The following THSD4 variants were observed in gnomAD, a reference collection of about 807,000 sequenced individuals.
THSD4 encodes thrombospondin type-1 domain-containing protein 4.
Under a neutral mutation model 119.0 loss-of-function variants are expected in THSD4, and 69 were observed. That is an observed-to-expected ratio of 0.58 (90% CI 0.48 to 0.71). The LOEUF (loss-of-function observed/expected upper bound fraction) is 0.71. THSD4 is among the 30% of genes least tolerant of loss of function. The probability of loss-of-function intolerance (pLI) is 0.00; values close to 1 mark genes in which losing one functional copy is unlikely to be tolerated. For synonymous variants in THSD4, 524 were observed against 540.4 expected (o/e 0.97, Z 0.42); for missense variants, 1,393 against 1,391.1 (o/e 1.00, Z -0.02).
At chr15:71,641,496 TTTAAA>T (rs1309576129) in intron 7 of THSD4, among the ~76,000 whole-genome samples, 3 of 152,090 alleles carry the variant, frequency 2.0e-5, no homozygotes, top group Non-Finnish European at 2.9e-5. Context: ...CTTTTTGTGC[TTTAAA>T]TTATTTTTTC....
At chr15:71,745,258 G>A (rs1354202134) in intron 12 of THSD4, 23 bp downstream of exon 12, 1 of 1,613,158 alleles carries the variant, frequency 6.2e-7, no homozygotes. Context: ...CTCCATTTAG[G>A]TCGCCTATTA....
chr15:71,626,529 T>C (rs1017732076), intron 7 of THSD4, among the ~76,000 whole-genome samples: 2 of 152,212 alleles, frequency 1.3e-5, no homozygotes, highest in Non-Finnish European at 2.9e-5. Context: ...TTACACTAAA[T>C]ATGCATTGAA....
rs144736427 is a variant in THSD4, at chr15:71,724,266, G to GATATATATATATATAT, written c.1358-4276_1358-4261dup. On this transcript the variant is annotated intron_variant, in intron 8 of 17. Coordinates refer to ENST00000261862, the MANE Select transcript of THSD4 (RefSeq NM_024817.3). Reference sequence around the variant, plus strand: ...CTGGGGGAGGAGGCCTCTATGATGGGATATATATATATATATATATATTTT... The same window carrying GATATATATATATATAT: ...CTGGGGGAGGAGGCCTCTATGATGGGATATATATATATATATATATATATATATATATATATATTTT... Among the ~76,000 whole-genome samples, 238 of 74,530 alleles carry GATATATATATATATAT rather than the reference G, an allele frequency of 3.2e-3. 9 individuals are homozygous for GATATATATATATATAT. Among genetic ancestry groups the GATATATATATATATAT allele is most frequent in the East Asian group, 0.011 (13 of 1,138 alleles). The allele number at this position is 74,530 out of a possible 152,430, so 48.9% of individuals were successfully genotyped here. A position where few individuals can be genotyped will look rare whatever the true frequency, so the allele number is the denominator to read the frequency against.
intron 7 of THSD4, among the ~76,000 whole-genome samples, chr15:71,499,804 T>C (rs1400884867): frequency 6.6e-6 from 1 of 152,242 alleles, no homozygotes; most frequent in Non-Finnish European, 1.5e-5. Flanking sequence ...CCTTGAGCTT[T>C]ATCCATTTGT....
At chr15:71,491,698 C>T (rs2047922121) in intron 7 of THSD4, among the ~76,000 whole-genome samples, 1 of 121,232 alleles carries the variant, frequency 8.2e-6, no homozygotes, top group Non-Finnish European at 1.8e-5. Context: ...AGGGAGACTC[C>T]ATCTGAAAAA....
intron 7 of THSD4, among the ~76,000 whole-genome samples, chr15:71,540,675 C>T (rs1376770626): frequency 7.2e-6 from 1 of 139,662 alleles, no homozygotes; most frequent in Non-Finnish European, 1.5e-5. Flanking sequence ...GATCCACCTG[C>T]CTCAGGCTCC....
At chr15:71,459,330 C>CTCTCTCTG (rs1385041413) in intron 7 of THSD4, among the ~76,000 whole-genome samples, 2 of 138,974 alleles carry the variant, frequency 1.4e-5, no homozygotes, top group African/African-American at 2.5e-5. Context: ...AACTATCTCT[C>CTCTCTCTG]TCTCTCTGTC....
intron 4 of THSD4, among the ~76,000 whole-genome samples, chr15:71,236,223 G>C (rs2044104659): frequency 6.6e-6 from 1 of 152,218 alleles, no homozygotes; most frequent in African/African-American, 2.4e-5. Flanking sequence ...CCTGGCTCCG[G>C]AGGGCGGGGC....
In THSD4 at chr15:71,470,548, G is replaced by A. The variant is rs370491775; in HGVS notation, c.1152+58725G>A. Among the ~76,000 whole-genome samples the A allele has an allele frequency of 1.3e-3, 191 of 152,140 alleles. 2 individuals carry two copies. The South Asian group carries it at 0.014, about 11-fold the overall frequency. On this transcript the variant is annotated intron_variant, in intron 7 of 17. Transcript: ENST00000261862. ...ATTAGGAGGTACTAGTATTATCACC[G>A]TTTCATAGGTGAGGAAACTGACAGA...
At chr15:71,663,076 C>T (rs959065518) in intron 8 of THSD4, among the ~76,000 whole-genome samples, 2 of 151,906 alleles carry the variant, frequency 1.3e-5, no homozygotes, top group African/African-American at 4.8e-5. Flanking sequence ...TCAAGTGAGA[C>T]CCCATCTCTA....
chr15:71,288,267 T>C (rs1001741911), intron 6 of THSD4, among the ~76,000 whole-genome samples: 27 of 152,212 alleles, frequency 1.8e-4, no homozygotes, highest in Admixed American at 1.4e-3. Context: ...TTTTGATCCA[T>C]TTTTGAAAGA....
At chr15:71,608,414 G>A (rs2050159234) in intron 7 of THSD4, among the ~76,000 whole-genome samples, 1 of 151,894 alleles carries the variant, frequency 6.6e-6, no homozygotes, top group South Asian at 2.1e-4. Context: ...TTATAAAAGG[G>A]ATTTCCCACA....
chr15:71,384,506 T>A (rs2046271262), intron 6 of THSD4, among the ~76,000 whole-genome samples: 1 of 152,224 alleles, frequency 6.6e-6, no homozygotes, highest in Non-Finnish European at 1.5e-5. Context: ...CAGCTTGCTT[T>A]TTGCCTTCTG....
At chr15:71,498,378 A>C (rs2048059509) in intron 7 of THSD4, among the ~76,000 whole-genome samples, 1 of 152,182 alleles carries the variant, frequency 6.6e-6, no homozygotes, top group African/African-American at 2.4e-5. Context: ...TGTGTTTTAA[A>C]ATATTTTGCA....
At chr15:71,573,255 T>C (rs973389873) in intron 7 of THSD4, among the ~76,000 whole-genome samples, 1 of 152,192 alleles carries the variant, frequency 6.6e-6, no homozygotes, top group Non-Finnish European at 1.5e-5. Context: ...CAGTATTTAT[T>C]AAATCTGGGA....
chr15:71,749,883 C>T (rs549092672), intron 14 of THSD4, among the ~76,000 whole-genome samples: 6 of 151,864 alleles, frequency 4.0e-5, no homozygotes, highest in Admixed American at 2.6e-4. Flanking sequence ...ACTATAGGTG[C>T]GCGCCACCAC....
intron 1 of THSD4, among the ~76,000 whole-genome samples, chr15:71,121,194 C>T (rs929234505): frequency 1.3e-5 from 2 of 152,118 alleles, no homozygotes; most frequent in African/African-American, 2.4e-5. Flanking sequence ...CGTGGTGGTG[C>T]TGAGGAGGAG....
chr15:71,379,193 T>G (rs1370219101), intron 6 of THSD4, among the ~76,000 whole-genome samples: 1 of 150,720 alleles, frequency 6.6e-6, no homozygotes, highest in Non-Finnish European at 1.5e-5. Flanking sequence ...TCTTTAGCTT[T>G]TCTCATTTTC....
chr15:71,677,324 T>A (rs2051673009), intron 8 of THSD4, among the ~76,000 whole-genome samples: 2 of 152,370 alleles, frequency 1.3e-5, no homozygotes, highest in South Asian at 4.1e-4. Context: ...CATTGAGTAT[T>A]TGTTTTTTAT....
Sources: gnomAD v4.1 joint callset for allele counts (sites outside exome capture counted in the v4.1 genomes callset) on GRCh38, gnomAD v4.1.1 for gene constraint, MANE v1.5 for transcripts, NCBI Gene and HGNC (gene_info 2026-07-23, HGNC 2026-07-21) for gene names.